Variants in MICAL1 observed in about 807,000 individuals in gnomAD.
MICAL1 encodes [F-actin]-monooxygenase MICAL1.
A neutral mutation model predicts 131.8 loss-of-function variants in MICAL1; 95 were observed. The observed-to-expected ratio is 0.72, with a 90% CI of 0.61 to 0.86. The LOEUF (loss-of-function observed/expected upper bound fraction) is 0.86, where lower values mean the gene tolerates loss of function less well. MICAL1 is among the 40% of genes least tolerant of loss of function. MICAL1 has a pLI of 0.00. For synonymous variants in MICAL1, 546 were observed against 554.2 expected (o/e 0.99, Z 0.21); for missense variants, 1,292 against 1,380.6 (o/e 0.94, Z 1.02).
upstream of MICAL1, among the ~76,000 whole-genome samples, chr6:109,457,209 C>T (rs1010589383): frequency 1.3e-5 from 2 of 152,132 alleles, no homozygotes; most frequent in African/African-American, 4.8e-5. Context: ...CCAGGAGAGG[C>T]GAGGGAATTC....
rs192293707 is a variant in MICAL1, at chr6:109,461,462, T to C, written c.14+4202A>G. Among the ~76,000 whole-genome samples the C allele has an allele frequency of 6.6e-3, 1,000 of 152,236 alleles. 8 individuals carry two copies. The highest frequency in any genetic ancestry group is 0.014 in the Middle Eastern group (4 of 294). On this transcript the variant is annotated intron_variant, in intron 1 of 24. Coordinates refer to the MICAL1 transcript ENST00000630715. ...GTTTTATGTAAAAAAGTTATAATTG[T>C]ATGCAGGTGGCACATGCTTGTAATC...
upstream of MICAL1, chr6:109,455,842 G>C (rs965642897): frequency 1.0e-6 from 1 of 985,486 alleles, no homozygotes; most frequent in African/African-American, 1.7e-5. This position sits in a 1 kb window ranked among gnomAD's most constrained non-coding sequence, Gnocchi z 4.7. Flanking sequence ...GCTGGGATGC[G>C]GGGCGGCCCG....
intron 6 of MICAL1, 169 bp from the exon 7 acceptor site, chr6:109,451,869 C>T: frequency 1.4e-6 from 2 of 1,414,248 alleles, no homozygotes; most frequent in Non-Finnish European, 1.8e-6. Flanking sequence ...CCATCTGTCC[C>T]AGGCCCAGGA....
chr6:109,462,166 C>T (rs9487117), intron 1 of MICAL1, among the ~76,000 whole-genome samples: 2,762 of 152,328 alleles, frequency 0.018, 96 homozygotes, highest in African/African-American at 0.063. Flanking sequence ...TGATCCCATA[C>T]AACTGGTGTT....
upstream of MICAL1, chr6:109,455,860 C>T (rs1775729123): frequency 2.0e-6 from 2 of 985,460 alleles, no homozygotes; most frequent in Admixed American, 6.1e-5. This position sits in a 1 kb window ranked among gnomAD's most constrained non-coding sequence, Gnocchi z 4.7. Flanking sequence ...CCGGGGCGTG[C>T]GCCTGGAGTC....
intron 1 of MICAL1, chr6:109,465,328 G>A (rs1357403031): frequency 3.1e-6 from 1 of 326,426 alleles, no homozygotes; most frequent in Non-Finnish European, 5.7e-6. Context: ...TTAGGGGACT[G>A]GAAATTATTA....
chr6:109,465,719 A>G (rs771315107), exon 1 of MICAL1: 4 of 1,607,984 alleles, frequency 2.5e-6, no homozygotes, highest in Admixed American at 1.7e-5. Context: ...TATAAACATC[A>G]GTTAGCCATC....
At chr6:109,460,934 TTCA>T (rs1775872366) in intron 1 of MICAL1, among the ~76,000 whole-genome samples, 1 of 152,170 alleles carries the variant, frequency 6.6e-6, no homozygotes, top group Non-Finnish European at 1.5e-5. Flanking sequence ...ACCAGTAACT[TTCA>T]TCCAACTGGC....
At chr6:109,449,868 T>A in intron 9 of MICAL1, 85 bp from the exon 10 acceptor site, 1 of 1,583,578 alleles carries the variant, frequency 6.3e-7, no homozygotes, top group Non-Finnish European at 8.6e-7. Context: ...AGGCCTTTTC[T>A]TCTGCCTATT....
chr6:109,455,572 G>A lies in MICAL1; in HGVS notation c.-44+147C>T, dbSNP rs13219540. On this transcript the variant is annotated intron_variant, in intron 1 of 24. Transcript: ENST00000358807. The surrounding 1 kb of genome is among the most constrained non-coding windows in gnomAD (Gnocchi z 4.7). ...ACACTGGACGGCAAAGTCCGGACGC[G>A]GCGTGAGCAGGGCTGGGCTGAGGGA... 2.1e-6 allele frequency: 1 copy of A among 470,196 alleles called. No homozygotes were observed. The highest frequency in any genetic ancestry group is 2.8e-6 in the Non-Finnish European group (1 of 358,176). The allele number at this position is 470,196 out of a possible 1,614,324, so 29.1% of individuals were successfully genotyped here. A position where few individuals can be genotyped will look rare whatever the true frequency, so the allele number is the denominator to read the frequency against.
intron 1 of MICAL1, chr6:109,462,992 T>C (rs1647343282): frequency 6.6e-6 from 1 of 152,252 alleles, no homozygotes; most frequent in African/African-American, 2.4e-5. Flanking sequence ...TCAAGTCATT[T>C]AACTTTTTTT....
At chr6:109,446,513 G>C in intron 18 of MICAL1, 101 bp from the exon 19 acceptor site, 1 of 1,469,752 alleles carries the variant, frequency 6.8e-7, no homozygotes, top group Non-Finnish European at 9.4e-7. Flanking sequence ...TTTACAAACA[G>C]TGTCTGGCTG....
Position 109,450,488 on chromosome 6 carries a change from G to A in MICAL1, c.1003C>T (p.Arg335Trp), listed in dbSNP as rs61731700. ...VVPEALQRFT[R>W]AAADFATHGK... Reference sequence around the variant, plus strand: ...TGGGTGGCAAAGTCAGCAGCTGCCCGGGTAAAGCGCTGCAGAGCCTCGGGC... The same window carrying A: ...TGGGTGGCAAAGTCAGCAGCTGCCCAGGTAAAGCGCTGCAGAGCCTCGGGC... The change falls in exon 8 of 25, where the codon CGG (arginine) becomes TGG (tryptophan). Residue 335 changes from arginine to tryptophan, a missense_variant. Transcript: ENST00000358807. The A allele has an allele frequency of 0.019, 30,897 of 1,613,252 alleles. 455 individuals are homozygous for A. The highest frequency in any genetic ancestry group is 0.051 in the South Asian group (4,610 of 91,084).
At chr6:109,451,773 G>A (rs1775553355) in intron 6 of MICAL1, 73 bp from the exon 7 acceptor site, 7 of 1,583,082 alleles carry the variant, frequency 4.4e-6, no homozygotes, top group Non-Finnish European at 6.0e-6. Flanking sequence ...ATCCCAACAT[G>A]GCCTGACCTC....
Position 109,445,530 on chromosome 6 carries a change from C to T in MICAL1, c.2674-1G>A, listed in dbSNP as rs368435988. The T allele has an allele frequency of 1.9e-6, 3 of 1,613,880 alleles. No homozygotes were observed. In the African/African-American group the frequency reaches 4.0e-5, roughly 22 times the overall value. ...AGGTCTTGGCAAAGGTCTGCAGGGC[C>T]TATAGGAGGGTCAGGCCAGTCAGGG... is the stretch of plus-strand genomic sequence containing the variant. On this transcript the variant is annotated splice_acceptor_variant, in intron 20 of 24. Coordinates refer to ENST00000358807, the MANE Select transcript of MICAL1 (RefSeq NM_022765.4). LOFTEE classifies it high-confidence loss of function.
chr6:109,448,112 ACAC>A (rs1775324144), intron 13 of MICAL1, 88 bp downstream of exon 13: 1 of 1,360,244 alleles, frequency 7.4e-7, no homozygotes, highest in Non-Finnish European at 9.9e-7. Flanking sequence ...ACACACACAC[ACAC>A]ACCGCCTTCT....
rs754291341 is a variant in MICAL1 at position 109,449,339 on chromosome 6, C to G, written c.1516+61G>C. The G allele has an allele frequency of 3.7e-5, 58 of 1,552,774 alleles. 1 individual carries two copies. In the Middle Eastern group the frequency reaches 1.0e-3, roughly 27 times the overall value. ...GAGGCTGCAGCTGCTTTGCAGGGAC[C>G]ACCTGGGCCTCGCTGGGTAGTACAT... On this transcript the variant is annotated intron_variant, in intron 11 of 24. Coordinates refer to ENST00000358807, the MANE Select transcript of MICAL1 (RefSeq NM_022765.4).
At chr6:109,460,806 CTTA>C (rs1562296797) in intron 1 of MICAL1, among the ~76,000 whole-genome samples, 1 of 152,020 alleles carries the variant, frequency 6.6e-6, no homozygotes, top group Non-Finnish European at 1.5e-5. Flanking sequence ...TACCTTAATG[CTTA>C]TTAAGGATAA....
At chr6:109,444,847 G>T in intron 23 of MICAL1, 49 bp from the exon 24 acceptor site, 1 of 1,614,074 alleles carries the variant, frequency 6.2e-7, no homozygotes, top group South Asian at 1.1e-5. Flanking sequence ...GGTGCCCAAG[G>T]GGCTGGAGCC....
Sources: gnomAD v4.1 joint callset for allele counts (sites outside exome capture counted in the v4.1 genomes callset) on GRCh38, gnomAD v4.1.1 for gene constraint, Gnocchi (gnomAD v3.1) non-coding constraint, MANE v1.5 for transcripts, NCBI Gene and HGNC (gene_info 2026-07-23, HGNC 2026-07-21) for gene names.